UBXN7: variants seen among roughly 807,000 people sequenced by gnomAD.
The protein encoded by UBXN7 is UBX domain protein 7.
Under a neutral mutation model 58.0 loss-of-function variants are expected in UBXN7, and 9 were observed. The observed-to-expected ratio is 0.16, with a 90% CI of 0.09 to 0.27. The LOEUF is 0.27. Ranked by LOEUF, UBXN7 falls within the 10% of genes least tolerant of loss-of-function variation. The probability of loss-of-function intolerance (pLI) is 1.00; values close to 1 mark genes in which losing one functional copy is unlikely to be tolerated. For missense variants in UBXN7, 328 were observed against 599.6 expected (o/e 0.55, Z 4.73); for synonymous variants, 208 against 205.0 (o/e 1.01, Z -0.12).
At chr3:196,424,898 C>T (rs542895392) in intron 1 of UBXN7, among the ~76,000 whole-genome samples, 17 of 151,750 alleles carry the variant, frequency 1.1e-4, no homozygotes, top group Non-Finnish European at 2.2e-4. Context: ...GACGGGGTTT[C>T]ACCATGTTGG....
chr3:196,404,321 G>T (rs917671212), intron 2 of UBXN7, among the ~76,000 whole-genome samples: 13 of 147,348 alleles, frequency 8.8e-5, no homozygotes, highest in Non-Finnish European at 1.6e-4. Context: ...GGAGTGCAGT[G>T]GTATGATCTC....
Position 196,368,038 on chromosome 3 carries a change from C to T in UBXN7, c.824G>A (p.Cys275Tyr), listed in dbSNP as rs1728718541. ...DGLSSSPPKK[C>Y]ARSESLIDAS... The stretch of plus-strand genomic sequence containing the variant: ...CCTAATTATACTTACTGAACGGGCA[C>T]ATTTTTTGGGGGGACTGCTAGAAAG... Residue 275 changes from cysteine (C) to tyrosine (Y), a missense_variant, in exon 8 of 11, where the codon TGT becomes TAT. Coordinates refer to ENST00000296328, the MANE Select transcript of UBXN7 (RefSeq NM_015562.2). The T allele has an allele frequency of 6.2e-7, 1 of 1,613,094 alleles. No individual in the cohort carries two copies. The highest frequency in any genetic ancestry group is 8.5e-7 in the Non-Finnish European group (1 of 1,179,646).
At chr3:196,428,260 A>C (rs1052447190) in intron 1 of UBXN7, among the ~76,000 whole-genome samples, 2 of 152,154 alleles carry the variant, frequency 1.3e-5, no homozygotes, top group African/African-American at 4.8e-5. Context: ...CATGCAAAAA[A>C]GGTTTGTAGC....
At chr3:196,411,394 C>T (rs1730320907) in intron 1 of UBXN7, among the ~76,000 whole-genome samples, 1 of 152,178 alleles carries the variant, frequency 6.6e-6, no homozygotes, top group Non-Finnish European at 1.5e-5. Context: ...TGTGCATATA[C>T]TTATGTTTTA....
At chr3:196,411,798 G>A (rs2108618851) in intron 1 of UBXN7, among the ~76,000 whole-genome samples, 1 of 152,276 alleles carries the variant, frequency 6.6e-6, no homozygotes, top group East Asian at 1.9e-4. Flanking sequence ...GCACAAGAGT[G>A]AGACTTCGTC....
chr3:196,412,352 G>A (rs766258417), intron 1 of UBXN7, among the ~76,000 whole-genome samples: 9 of 151,346 alleles, frequency 5.9e-5, no homozygotes, highest in Non-Finnish European at 1.0e-4. Context: ...CTCTAGAAAC[G>A]CAAATAGTTG....
At chr3:196,398,886 CTCAGCCTCCG>C (rs1481940841) in intron 3 of UBXN7, among the ~76,000 whole-genome samples, 2 of 152,186 alleles carry the variant, frequency 1.3e-5, no homozygotes, top group Non-Finnish European at 2.9e-5. Context: ...ATCCTCCCGC[CTCAGCCTCCG>C]AAAGTAATCC....
intron 8 of UBXN7, among the ~76,000 whole-genome samples, chr3:196,364,275 G>GT (rs2108828889): frequency 6.6e-6 from 1 of 152,200 alleles, no homozygotes; most frequent in Non-Finnish European, 1.5e-5. Flanking sequence ...GAAAGAAATC[G>GT]TAAGATAATC....
At chr3:196,412,165 AG>A (rs1362915570) in intron 1 of UBXN7, among the ~76,000 whole-genome samples, 9 of 137,390 alleles carry the variant, frequency 6.6e-5, no homozygotes, top group African/African-American at 1.9e-4. Context: ...CAGGAGGCGG[AG>A]GTTACAGTGA....
intron 3 of UBXN7, chr3:196,400,595 A>C (rs996137536): frequency 5.4e-6 from 1 of 186,280 alleles, no homozygotes; most frequent in Non-Finnish European, 1.2e-5. Context: ...GTCTCCACAA[A>C]ACAAAACAAT....
rs893775410 is a variant in UBXN7, at chr3:196,351,108, G to C, written c.*5577C>G. On this transcript the variant is annotated 3_prime_UTR_variant, in exon 11 of 11. Coordinates refer to ENST00000296328, the MANE Select transcript of UBXN7 (RefSeq NM_015562.2). ...AAAAAGGCAGAGAGACGGTAAGAAT[G>C]ACATAATAAAGATACATTCTGTGGA... 6.6e-6 allele frequency: 1 copy of C among 152,182 alleles called. No individual in the cohort carries two copies. The highest frequency in any genetic ancestry group is 1.5e-5 in the Non-Finnish European group (1 of 68,030). The allele number at this position is 152,182 out of a possible 1,614,324, so 9.4% of individuals were successfully genotyped here.
In UBXN7 at chr3:196,402,038, T is replaced by C. The variant is rs140130582; in HGVS notation, c.289+914A>G. Among the ~76,000 whole-genome samples the C allele has an allele frequency of 3.2e-3, 483 of 152,262 alleles. 2 individuals are homozygous for C. The highest frequency in any genetic ancestry group is 5.2e-3 in the Non-Finnish European group (357 of 68,022). On this transcript the variant is annotated intron_variant, in intron 3 of 10. Coordinates refer to ENST00000296328, the MANE Select transcript of UBXN7 (RefSeq NM_015562.2). Reference sequence around the variant, plus strand: ...ACTCAATTGTATTTATTTATTTATTTTGAGAGAGAGTCTTACTCTGCTGCC... The same window carrying C: ...ACTCAATTGTATTTATTTATTTATTCTGAGAGAGAGTCTTACTCTGCTGCC...
At chr3:196,360,532 C>T (rs1728479325) in intron 10 of UBXN7, among the ~76,000 whole-genome samples, 3 of 152,172 alleles carry the variant, frequency 2.0e-5, no homozygotes, top group African/African-American at 7.2e-5. Context: ...TACAGCATAA[C>T]TTACTAAATA....
chr3:196,380,677 C>T (rs761192240), intron 5 of UBXN7, among the ~76,000 whole-genome samples: 1 of 152,222 alleles, frequency 6.6e-6, no homozygotes, highest in Admixed American at 6.5e-5. Flanking sequence ...GGCAGCGTGC[C>T]GCCTCACCTG....
At chr3:196,417,534 A>G (rs1361987656) in intron 1 of UBXN7, among the ~76,000 whole-genome samples, 1 of 151,864 alleles carries the variant, frequency 6.6e-6, no homozygotes, top group African/African-American at 2.4e-5. Context: ...TCTGAGTAAG[A>G]TACTAATTTC....
At chr3:196,429,909 A>T (rs1053370407) in intron 1 of UBXN7, among the ~76,000 whole-genome samples, 1 of 152,216 alleles carries the variant, frequency 6.6e-6, no homozygotes. Flanking sequence ...CAGAAACAGA[A>T]TTAAAGCAAT....
intron 1 of UBXN7, among the ~76,000 whole-genome samples, chr3:196,410,856 G>A (rs1451137497): frequency 6.6e-6 from 1 of 151,626 alleles, no homozygotes; most frequent in Non-Finnish European, 1.5e-5. Flanking sequence ...GCTTTCTTCT[G>A]CTGCCTGCAG....
At position 196,408,168 on chromosome 3, in the gene UBXN7, T is replaced by C. The variant is rs113584552; in HGVS notation, c.74-775A>G. On this transcript the variant is annotated intron_variant, in intron 1 of 10. Transcript: ENST00000296328. ...AAGAAGTGAGATGGAACATTTTTTG[T>C]CTAAGACATAACTAAGTCAAAATCT... is the stretch of plus-strand genomic sequence containing the variant. 1.5e-3 allele frequency among the ~76,000 whole-genome samples: 235 copies of C among 151,640 alleles called. 2 individuals are homozygous for C. The highest frequency in any genetic ancestry group is 0.01 in the Middle Eastern group (3 of 292).
intron 8 of UBXN7, among the ~76,000 whole-genome samples, chr3:196,363,349 C>G (rs555554253): frequency 1.3e-5 from 2 of 151,526 alleles, no homozygotes; most frequent in African/African-American, 4.9e-5. Context: ...AGTAAGCATA[C>G]GCATTTTTTT....
Sources: allele counts gnomAD v4.1 joint callset (sites outside exome capture counted in the v4.1 genomes callset), GRCh38; gene constraint gnomAD v4.1.1; transcripts MANE v1.5; gene names NCBI Gene and HGNC (gene_info 2026-07-23, HGNC 2026-07-21).